Variants in SLC8A1 observed in about 807,000 individuals in gnomAD.
The protein encoded by SLC8A1 is solute carrier family 8 member A1.
A neutral mutation model predicts 68.3 loss-of-function variants in SLC8A1; 18 were observed. The ratio of observed to expected loss-of-function variants is 0.26; its 90% CI spans 0.18 to 0.39. The LOEUF is 0.39. SLC8A1 is among the 10% of genes least tolerant of loss of function. SLC8A1 has a pLI of 1.00. For missense variants in SLC8A1, 985 were observed against 1,156.7 expected, an observed-to-expected ratio of 0.85 and a Z score of 2.15; for synonymous variants, 475 against 415.5, an observed-to-expected ratio of 1.14 and a Z score of -1.74.
chr2:40,420,633 A>C (rs1330765460), intron 2 of SLC8A1, among the ~76,000 whole-genome samples: 1 of 152,174 alleles, frequency 6.6e-6, no homozygotes, highest in Non-Finnish European at 1.5e-5. Context: ...TCAGCTATTC[A>C]TGGCCTTCTA....
At chr2:40,463,060 A>G (rs1410056860) in intron 1 of SLC8A1, among the ~76,000 whole-genome samples, 1 of 152,204 alleles carries the variant, frequency 6.6e-6, no homozygotes. Context: ...TAACCAAATT[A>G]CACAATTTAG....
intron 1 of SLC8A1, among the ~76,000 whole-genome samples, chr2:40,486,584 CA>C (rs1489097901): frequency 6.6e-6 from 1 of 152,002 alleles, no homozygotes; most frequent in Non-Finnish European, 1.5e-5. Context: ...AAAATTGTTA[CA>C]TTTTTTAAAA....
At chr2:40,208,822 T>G (rs2056005631) in intron 2 of SLC8A1, among the ~76,000 whole-genome samples, 1 of 152,130 alleles carries the variant, frequency 6.6e-6, no homozygotes, top group Admixed American at 6.5e-5. Context: ...CATTTAGGCT[T>G]TAATGCACTT....
At chr2:40,174,147 C>G (rs1029147685) in intron 4 of SLC8A1, among the ~76,000 whole-genome samples, 1 of 151,920 alleles carries the variant, frequency 6.6e-6, no homozygotes, top group Admixed American at 6.6e-5. Flanking sequence ...CCAGAGAAAC[C>G]CTCAGATTGG....
chr2:40,445,038 T>C (rs1239095993), intron 1 of SLC8A1, among the ~76,000 whole-genome samples: 3 of 152,204 alleles, frequency 2.0e-5, no homozygotes, highest in Non-Finnish European at 4.4e-5. Flanking sequence ...CATTTATATC[T>C]TCAGTAATGA....
chr2:40,100,120 A>G (rs2033808626), exon 8 of SLC8A1: 1 of 152,126 alleles, frequency 6.6e-6, no homozygotes, highest in Admixed American at 6.6e-5. Context: ...GAAAACCACC[A>G]CAAAGGACAC....
In SLC8A1 at chr2:40,130,392, G is replaced by T. The variant is rs537803814; in HGVS notation, c.2437+9009C>A. 3.5e-4 allele frequency among the ~76,000 whole-genome samples: 53 copies of T among 152,346 alleles called. 1 individual carries two copies. The highest frequency in any genetic ancestry group is 1.0e-3 in the African/African-American group (43 of 41,576). ...ACTCTAATGACATCATCTATTCATGGGAAAGTGTGCTGGAAAGTACAAAGC... is the reference window on the plus strand; with the variant it reads ...ACTCTAATGACATCATCTATTCATGTGAAAGTGTGCTGGAAAGTACAAAGC... On this transcript the variant is annotated intron_variant, in intron 7 of 7. Transcript: ENST00000406785.
intron 2 of SLC8A1, among the ~76,000 whole-genome samples, chr2:40,277,268 C>T (rs772264458): frequency 2.0e-5 from 3 of 151,786 alleles, no homozygotes; most frequent in Non-Finnish European, 4.4e-5. Context: ...GTGCTGGGCA[C>T]GGTAGCTCAC....
chr2:40,277,116 A>G (rs544230240), intron 2 of SLC8A1, among the ~76,000 whole-genome samples: 1 of 152,172 alleles, frequency 6.6e-6, no homozygotes, highest in Non-Finnish European at 1.5e-5. Context: ...TTACTATAAT[A>G]AAAACCATAA....
chr2:40,384,128 G>C (rs1472979064), intron 2 of SLC8A1, among the ~76,000 whole-genome samples: 1 of 151,626 alleles, frequency 6.6e-6, no homozygotes, highest in Admixed American at 6.6e-5. Context: ...AGACATGGTG[G>C]GCCTGTAGTC....
At chr2:40,147,406 C>G (rs1236813774) in intron 6 of SLC8A1, among the ~76,000 whole-genome samples, 1 of 152,124 alleles carries the variant, frequency 6.6e-6, no homozygotes, top group African/African-American at 2.4e-5. Context: ...TGACAGAATT[C>G]CAAGCTCCCG....
intron 2 of SLC8A1, among the ~76,000 whole-genome samples, chr2:40,281,189 GAAGA>G (rs1166048370): frequency 6.6e-6 from 1 of 152,040 alleles, no homozygotes; most frequent in East Asian, 1.9e-4. Flanking sequence ...GGATGGGGCA[GAAGA>G]AAGTCTTAGC....
At chr2:40,366,860 A>G (rs1447889553) in intron 2 of SLC8A1, among the ~76,000 whole-genome samples, 2 of 152,044 alleles carry the variant, frequency 1.3e-5, no homozygotes, top group Non-Finnish European at 2.9e-5. Flanking sequence ...AAATTTAAAA[A>G]AGAGAATGTG....
intron 2 of SLC8A1, among the ~76,000 whole-genome samples, chr2:40,222,120 T>C (rs547222752): frequency 6.6e-6 from 1 of 152,082 alleles, no homozygotes; most frequent in African/African-American, 2.4e-5. Flanking sequence ...TTTCAAACTA[T>C]AGTACAAGGC....
chr2:40,505,602 T>C (rs1243466608), intron 1 of SLC8A1, among the ~76,000 whole-genome samples: 2 of 152,000 alleles, frequency 1.3e-5, no homozygotes, highest in East Asian at 3.9e-4. Flanking sequence ...CATACACACC[T>C]ACAAATACTC....
chr2:40,374,299 C>A lies in SLC8A1; in HGVS notation c.1808+54174G>T, dbSNP rs948016783. 7.9e-5 allele frequency among the ~76,000 whole-genome samples: 12 copies of A among 152,016 alleles called. No individual in the cohort carries two copies. In the East Asian group the frequency reaches 1.7e-3, roughly 22 times the overall value. On this transcript the variant is annotated intron_variant, in intron 2 of 7. Transcript: ENST00000406785. Reference sequence around the variant, plus strand: ...GGCCAAGGCAGGTGGGTTCCTTGAGCCCAGGAGTTCCAGACCAGCCCGGGA... The same window carrying A: ...GGCCAAGGCAGGTGGGTTCCTTGAGACCAGGAGTTCCAGACCAGCCCGGGA...
At chr2:40,226,921 T>C (rs2059051439) in intron 2 of SLC8A1, among the ~76,000 whole-genome samples, 1 of 152,132 alleles carries the variant, frequency 6.6e-6, no homozygotes, top group South Asian at 2.1e-4. Context: ...CATCTAATAC[T>C]GTTCTATGTT....
intron 2 of SLC8A1, among the ~76,000 whole-genome samples, chr2:40,388,074 CT>C (rs1684155322): frequency 6.6e-6 from 1 of 151,950 alleles, no homozygotes; most frequent in Admixed American, 6.6e-5. Context: ...TATATAATCC[CT>C]TTTCAAAGCA....
At chr2:40,181,303 T>G (rs879867933) in intron 2 of SLC8A1, among the ~76,000 whole-genome samples, 3 of 152,196 alleles carry the variant, frequency 2.0e-5, no homozygotes, top group Non-Finnish European at 2.9e-5. Flanking sequence ...GGAAACACAG[T>G]TATATAGCTC....
Sources: allele counts gnomAD v4.1 joint callset (sites outside exome capture counted in the v4.1 genomes callset), GRCh38; gene constraint gnomAD v4.1.1; transcripts MANE v1.5; gene names NCBI Gene and HGNC (gene_info 2026-07-23, HGNC 2026-07-21).